The following KAZN variants were observed in gnomAD, a reference collection of about 807,000 sequenced individuals.
KAZN encodes the protein kazrin, periplakin interacting protein, also known as kazrin.
KAZN carries 40 observed loss-of-function variants against 87.4 expected under a neutral mutation model. The observed-to-expected ratio is 0.46, with a 90% confidence interval of 0.36 to 0.60. The LOEUF (loss-of-function observed/expected upper bound fraction) is 0.60, where lower values mean the gene tolerates loss of function less well. KAZN is among the 20% of genes least tolerant of loss of function. The pLI is 0.00. For synonymous variants in KAZN, 466 were observed against 458.3 expected (o/e 1.02, Z -0.22); for missense variants, 898 against 1,073.9 (o/e 0.84, Z 2.29).
chr1:15,054,131 C>T (rs577241992), intron 4 of KAZN, among the ~76,000 whole-genome samples: 4 of 152,102 alleles, frequency 2.6e-5, no homozygotes, highest in African/African-American at 9.6e-5. Flanking sequence ...CCCTGCTCTG[C>T]CAGGAAGAAC....
intron 2 of KAZN, among the ~76,000 whole-genome samples, chr1:14,197,003 G>A (rs1646539193): frequency 6.6e-6 from 1 of 152,046 alleles, no homozygotes; most frequent in South Asian, 2.1e-4. Context: ...GAATGAGGAT[G>A]TTCATTGATC....
intron 2 of KAZN, among the ~76,000 whole-genome samples, chr1:14,408,364 C>T (rs536681644): frequency 1.3e-5 from 2 of 152,272 alleles, no homozygotes; most frequent in Admixed American, 1.3e-4. Context: ...CTTCATTCAT[C>T]TAGTAGATAC....
chr1:13,999,964 C>T (rs1639705845), intron 1 of KAZN, among the ~76,000 whole-genome samples: 1 of 152,134 alleles, frequency 6.6e-6, no homozygotes, highest in African/African-American at 2.4e-5. Flanking sequence ...AGATAAATTC[C>T]TGGACACATA....
At chr1:14,989,517 G>A (rs1048140289) in intron 2 of KAZN, among the ~76,000 whole-genome samples, 27 of 152,182 alleles carry the variant, frequency 1.8e-4, no homozygotes, top group African/African-American at 6.5e-4. Context: ...TGTCTTCATC[G>A]TCATTGGACC....
chr1:15,071,253 C>CT (rs1010481526), intron 8 of KAZN, among the ~76,000 whole-genome samples: 7 of 150,322 alleles, frequency 4.7e-5, no homozygotes, highest in Admixed American at 2.0e-4. Context: ...TTTTATTTTT[C>CT]TTTTTTTTTC....
intron 1 of KAZN, among the ~76,000 whole-genome samples, chr1:14,604,009 G>A (rs1157140611): frequency 6.6e-6 from 1 of 152,056 alleles, no homozygotes; most frequent in South Asian, 2.1e-4. Flanking sequence ...AAATCAACAC[G>A]AACTCCTCTG....
At chr1:14,402,528 A>T (rs543046332) in intron 2 of KAZN, among the ~76,000 whole-genome samples, 1 of 152,176 alleles carries the variant, frequency 6.6e-6, no homozygotes, top group Non-Finnish European at 1.5e-5. Context: ...GGAAAACTGA[A>T]TATCTAAATG....
At chr1:14,843,410 A>G (rs1453615136) in intron 1 of KAZN, among the ~76,000 whole-genome samples, 1 of 152,240 alleles carries the variant, frequency 6.6e-6, no homozygotes, top group African/African-American at 2.4e-5. Context: ...CCATGGGAAG[A>G]AGCCAAGAGG....
intron 1 of KAZN, among the ~76,000 whole-genome samples, chr1:13,947,869 C>G (rs1641205605): frequency 6.6e-6 from 1 of 152,112 alleles, no homozygotes; most frequent in African/African-American, 2.4e-5. Context: ...TCCTCAGGAC[C>G]TCATTTCAAT....
At chr1:13,985,041 A>G (rs909710119) in intron 1 of KAZN, among the ~76,000 whole-genome samples, 6 of 152,140 alleles carry the variant, frequency 3.9e-5, no homozygotes, top group African/African-American at 1.5e-4. Flanking sequence ...CAGCATGTAT[A>G]AAATTGGCTT....
chr1:14,091,357 C>T (rs1643989453), intron 1 of KAZN, among the ~76,000 whole-genome samples: 1 of 152,088 alleles, frequency 6.6e-6, no homozygotes, highest in Non-Finnish European at 1.5e-5. Flanking sequence ...TTCTCCTCTT[C>T]TCTTAAGGAT....
intron 2 of KAZN, among the ~76,000 whole-genome samples, chr1:14,420,110 G>C (rs1665285917): frequency 6.6e-6 from 1 of 152,156 alleles, no homozygotes; most frequent in Non-Finnish European, 1.5e-5. Context: ...GTGCTGATTG[G>C]TGCATTTGCA....
At chr1:14,239,872 G>A (rs1462841225) in intron 2 of KAZN, among the ~76,000 whole-genome samples, 1 of 152,056 alleles carries the variant, frequency 6.6e-6, no homozygotes, top group Non-Finnish European at 1.5e-5. Context: ...TGGTGCTGCT[G>A]GCATTTAATG....
intron 1 of KAZN, among the ~76,000 whole-genome samples, chr1:14,670,641 C>G (rs143756664): frequency 6.6e-6 from 1 of 152,110 alleles, no homozygotes; most frequent in Admixed American, 6.5e-5. Context: ...CAAATGAGCC[C>G]GATTCATACC....
intron 2 of KAZN, among the ~76,000 whole-genome samples, chr1:14,531,080 G>A (rs1434343549): frequency 6.6e-6 from 1 of 152,128 alleles, no homozygotes; most frequent in Non-Finnish European, 1.5e-5. Context: ...CTCAATCAAT[G>A]AGTCAATGAA....
At chr1:13,908,214 G>A (rs1322382797) in intron 1 of KAZN, among the ~76,000 whole-genome samples, 1 of 152,198 alleles carries the variant, frequency 6.6e-6, no homozygotes, top group African/African-American at 2.4e-5. Flanking sequence ...TATTCAGAAA[G>A]CTGGACTGCC....
intron 2 of KAZN, among the ~76,000 whole-genome samples, chr1:14,308,209 A>G (rs1320376173): frequency 6.6e-6 from 1 of 152,324 alleles, no homozygotes; most frequent in Non-Finnish European, 1.5e-5. Flanking sequence ...AAAAATAGCT[A>G]TATAGAACAT....
In KAZN at chr1:13,981,095, A is replaced by C. The variant is rs796246814; in HGVS notation, c.91+87339A>C. Among the ~76,000 whole-genome samples the C allele has an allele frequency of 2.4e-4, 25 of 104,244 alleles. 1 individual carries two copies. Among genetic ancestry groups the C allele is most frequent in the African/African-American group, 9.0e-4 (23 of 25,574 alleles). 68.4% of individuals were successfully genotyped at this position (104,244 alleles called of 152,430 possible). The stretch of plus-strand genomic sequence containing the variant: ...AGGTATAAAAAATTACTCTTTATAT[A>C]TATATATATATATATGTATATATAA... On this transcript the variant is annotated intron_variant, in intron 1 of 16. Coordinates refer to the KAZN transcript ENST00000636203.
chr1:14,504,328 C>T (rs926200859), intron 2 of KAZN, among the ~76,000 whole-genome samples: 1 of 151,994 alleles, frequency 6.6e-6, no homozygotes, highest in Non-Finnish European at 1.5e-5. Flanking sequence ...CGAAGAAAGC[C>T]GATGGTCTTG....
Sources: gnomAD v4.1 joint callset for allele counts (sites outside exome capture counted in the v4.1 genomes callset) on GRCh38, gnomAD v4.1.1 for gene constraint, MANE v1.5 for transcripts, NCBI Gene and HGNC (gene_info 2026-07-23, HGNC 2026-07-21) for gene names.